TERF2: variants seen among roughly 807,000 people sequenced by gnomAD.
TERF2 encodes telomeric repeat binding factor 2, also known as telomeric repeat-binding factor 2.
Under a neutral mutation model 56.1 loss-of-function variants are expected in TERF2, and 16 were observed. That is an observed-to-expected ratio of 0.29 (90% confidence interval 0.19 to 0.43). The LOEUF (loss-of-function observed/expected upper bound fraction) is 0.43, where lower values mean the gene tolerates loss of function less well. Ranked by LOEUF, TERF2 falls within the 20% of genes least tolerant of loss-of-function variation. TERF2 has a pLI of 1.00. For missense variants in TERF2, 547 were observed against 712.9 expected (o/e 0.77, Z 2.65); for synonymous variants, 296 against 282.1 (o/e 1.05, Z -0.50).
intron 3 of TERF2, among the ~76,000 whole-genome samples, chr16:69,382,846 C>G (rs892318740): frequency 6.6e-6 from 1 of 152,122 alleles, no homozygotes; most frequent in African/African-American, 2.4e-5. Flanking sequence ...GACTCCTGAT[C>G]CTCGGAAACT....
intron 3 of TERF2, among the ~76,000 whole-genome samples, chr16:69,377,670 G>T (rs746251015): frequency 6.6e-6 from 1 of 152,058 alleles, no homozygotes; most frequent in Non-Finnish European, 1.5e-5. Context: ...AGACTTACAC[G>T]TATTTCTTTC....
Position 69,361,439 on chromosome 16 carries a change from G to A in TERF2, c.1391C>T (p.Thr464Ile), listed in dbSNP as rs1224791683. 1 of 1,613,886 alleles carries A rather than the reference G, an allele frequency of 6.2e-7. No homozygotes were observed. Among genetic ancestry groups the A allele is most frequent in the Non-Finnish European group, 8.5e-7 (1 of 1,179,934 alleles). Residue 464 changes from threonine to isoleucine, a missense_variant, in exon 8 of 10, where the codon ACT becomes ATT. Thr to Ile is a moderately conservative substitution (Grantham distance 89). Around this residue, in one of 6 missense-constraint regions of TERF2, gnomAD observed 211 missense variants for 236.8 expected, o/e 0.89. Coordinates refer to ENST00000254942, the MANE Select transcript of TERF2 (RefSeq NM_005652.5). ...AAACAGTTCATCCTCTTCCACCCAA[G>A]TCTCCTTTTCTTCAACCCCATTAGA... is the stretch of plus-strand genomic sequence containing the variant. ...NSSNGVEEKE[T>I]WVEEDELFQV...
intron 3 of TERF2, among the ~76,000 whole-genome samples, chr16:69,379,348 A>C (rs1361751972): frequency 6.6e-6 from 1 of 152,240 alleles, no homozygotes; most frequent in South Asian, 2.1e-4. Context: ...AAATGGGGTA[A>C]GGCCCTCAAA....
chr16:69,356,933 G>A lies in TERF2; in HGVS notation c.1594C>T (p.Arg532Cys), dbSNP rs149553172. ...VNRTAVMIKD[R>C]WRTMKRLGMN ...CCAAGTCTTTTCATGGTCCGCCAGC[G>A]ATCCTTAATCATCACAGCTGTTCGG... The change falls in exon 10 of 10, where the codon CGC (arginine) becomes TGC (cysteine). Residue 532 changes from arginine to cysteine, a missense_variant. Arg to Cys is a radical substitution (Grantham distance 180). Transcript: ENST00000254942. 3.1e-6 allele frequency: 5 copies of A among 1,613,612 alleles called. No homozygotes were observed. The highest frequency in any genetic ancestry group is 2.2e-5 in the East Asian group (1 of 44,858).
chr16:69,361,620 C>T (rs956292352), intron 7 of TERF2, 131 bp from the exon 8 acceptor site: 3 of 684,574 alleles, frequency 4.4e-6, no homozygotes, highest in Non-Finnish European at 7.9e-6. Context: ...GGTTCGCCTG[C>T]ATGCACCTCC....
At position 69,385,342 on chromosome 16, in the gene TERF2, C is replaced by A. The variant is rs747509849; in HGVS notation, c.475+49G>T. On this transcript the variant is annotated intron_variant, in intron 2 of 9. Transcript: ENST00000254942. ...TCAGTTCTAGATATAAGTTTTAAAA[C>A]AAAACCCTACGCAAGTAAGCCCAGA... 1.2e-5 allele frequency: 19 copies of A among 1,524,988 alleles called. No homozygotes were observed. In the East Asian group the frequency reaches 4.1e-4, roughly 33 times the overall value. 94.5% of individuals were successfully genotyped at this position (1,524,988 alleles called of 1,614,324 possible).
At chr16:69,367,490 C>A (rs576903234) in intron 6 of TERF2, among the ~76,000 whole-genome samples, 2 of 152,050 alleles carry the variant, frequency 1.3e-5, no homozygotes, top group African/African-American at 4.8e-5. Flanking sequence ...TGGGCTCAAG[C>A]GATCCACCCA....
At chr16:69,375,151 T>C (rs1421643803) in intron 3 of TERF2, among the ~76,000 whole-genome samples, 5 of 152,186 alleles carry the variant, frequency 3.3e-5, no homozygotes, top group Admixed American at 3.3e-4. Context: ...AGTTTATACA[T>C]TCATCCACTG....
intron 3 of TERF2, among the ~76,000 whole-genome samples, chr16:69,376,045 G>C (rs965013635): frequency 2.6e-5 from 4 of 152,000 alleles, no homozygotes; most frequent in Non-Finnish European, 5.9e-5. Flanking sequence ...GTTTTTCTCA[G>C]AGCAAAAGTT....
At chr16:69,384,307 T>C (rs1287561668) in intron 3 of TERF2, among the ~76,000 whole-genome samples, 1 of 152,176 alleles carries the variant, frequency 6.6e-6, no homozygotes, top group Non-Finnish European at 1.5e-5. Flanking sequence ...TGCTCCCGAA[T>C]GGTGCAGTAA....
intron 3 of TERF2, among the ~76,000 whole-genome samples, chr16:69,376,059 A>C (rs777043582): frequency 2.0e-5 from 3 of 152,130 alleles, no homozygotes; most frequent in Non-Finnish European, 2.9e-5. Context: ...AAAAGTTTAA[A>C]ATTTTGATTA....
At chr16:69,357,345 T>C (rs2012942528) in intron 9 of TERF2, among the ~76,000 whole-genome samples, 173 bp downstream of exon 9, 1 of 152,232 alleles carries the variant, frequency 6.6e-6, no homozygotes, top group Non-Finnish European at 1.5e-5. Context: ...TCTGTTTTCC[T>C]AGTCTTTTCT....
chr16:69,358,308 C>G (rs1045485736), intron 8 of TERF2, among the ~76,000 whole-genome samples: 1 of 151,926 alleles, frequency 6.6e-6, no homozygotes, highest in Non-Finnish European at 1.5e-5. Flanking sequence ...CCACCGTGCC[C>G]GGCTAATTTT....
At chr16:69,380,514 C>G (rs1049507469) in intron 3 of TERF2, among the ~76,000 whole-genome samples, 1 of 151,216 alleles carries the variant, frequency 6.6e-6, no homozygotes, top group Non-Finnish European at 1.5e-5. Context: ...AAAAATTAGC[C>G]AGGGGTGGTG....
chr16:69,369,275 A>C (rs1013211222), intron 5 of TERF2, among the ~76,000 whole-genome samples: 2 of 152,148 alleles, frequency 1.3e-5, no homozygotes, highest in Admixed American at 1.3e-4. Context: ...GATCATGGAC[A>C]CTATCCTAAT....
At position 69,356,792 on chromosome 16, in the gene TERF2, T is replaced by G. The variant is rs374654423; in HGVS notation, c.*106A>C. 1.2e-5 allele frequency: 15 copies of G among 1,279,968 alleles called. No homozygotes were observed. The East Asian group carries it at 2.5e-4, about 21-fold the overall frequency. 79.3% of individuals were successfully genotyped at this position (1,279,968 alleles called of 1,614,324 possible). A position where few individuals can be genotyped will look rare whatever the true frequency, so the allele number is the denominator to read the frequency against. ...TCCAGCCTGGGTGACAGAGCGAGAC[T>G]CTGTCTCAAAAAAAAAAAAAAAAGA... On this transcript the variant is annotated 3_prime_UTR_variant, in exon 10 of 10. Transcript: ENST00000254942.
intron 3 of TERF2, among the ~76,000 whole-genome samples, chr16:69,381,059 C>T (rs934826845): frequency 2.0e-5 from 3 of 152,110 alleles, no homozygotes; most frequent in African/African-American, 7.2e-5. Flanking sequence ...CCTGCCTTGG[C>T]CTCCCAAAGT....
intron 8 of TERF2, among the ~76,000 whole-genome samples, chr16:69,359,308 A>T (rs1280338542): frequency 2.0e-5 from 3 of 152,146 alleles, no homozygotes; most frequent in Admixed American, 2.0e-4. Context: ...CGGGCGGATC[A>T]CTTGAGGTCA....
intron 7 of TERF2, among the ~76,000 whole-genome samples, chr16:69,363,649 C>T (rs1178273392): frequency 2.6e-5 from 4 of 151,976 alleles, no homozygotes; most frequent in Non-Finnish European, 4.4e-5. Context: ...ATGGCAAGCC[C>T]GTTTTTTAAG....
Sources: allele counts gnomAD v4.1 joint callset (sites outside exome capture counted in the v4.1 genomes callset), GRCh38; gene constraint gnomAD v4.1.1; regional missense constraint gnomAD v4.1.1; transcripts MANE v1.5; gene names NCBI Gene and HGNC (gene_info 2026-07-23, HGNC 2026-07-21).